UBE2L3: variants seen among roughly 807,000 people sequenced by gnomAD.
The protein encoded by UBE2L3 is ubiquitin conjugating enzyme E2 L3.
UBE2L3 carries 1 observed loss-of-function variant against 17.8 expected under a neutral mutation model. That is an observed-to-expected ratio of 0.06 (90% confidence interval 0.02 to 0.27). The LOEUF (loss-of-function observed/expected upper bound fraction) is 0.27, where lower values mean the gene tolerates loss of function less well. Among genes scored for constraint, UBE2L3 ranks in the 10% least tolerant of loss-of-function variants. The probability of loss-of-function intolerance (pLI) is 1.00; values close to 1 mark genes in which losing one functional copy is unlikely to be tolerated. For missense variants in UBE2L3, 40 were observed against 192.6 expected, an observed-to-expected ratio of 0.21 and a Z score of 4.69; for synonymous variants, 44 against 68.5, an observed-to-expected ratio of 0.64 and a Z score of 1.76.
chr22:21,556,898 A>G (rs1926249743), intron 1 of UBE2L3, among the ~76,000 whole-genome samples: 1 of 152,254 alleles, frequency 6.6e-6, no homozygotes, highest in Admixed American at 6.5e-5. Flanking sequence ...TACTAAAAAT[A>G]CAAAAATTAG....
At chr22:21,581,555 A>G (rs1248283295) in intron 1 of UBE2L3, among the ~76,000 whole-genome samples, 4 of 152,146 alleles carry the variant, frequency 2.6e-5, no homozygotes, top group Admixed American at 2.0e-4. Flanking sequence ...TAATCCCAGC[A>G]CTTTGGGAGG....
At chr22:21,558,838 G>A (rs1300203962) in intron 1 of UBE2L3, among the ~76,000 whole-genome samples, 1 of 151,996 alleles carries the variant, frequency 6.6e-6, no homozygotes, top group Non-Finnish European at 1.5e-5. Flanking sequence ...GTTCTTTGCT[G>A]TCTCCTCCAT....
intron 1 of UBE2L3, among the ~76,000 whole-genome samples, chr22:21,558,739 C>T (rs1392911447): frequency 2.0e-5 from 3 of 152,166 alleles, no homozygotes; most frequent in African/African-American, 7.2e-5. Context: ...ATCCTCCCAC[C>T]TCAGCCTCCC....
chr22:21,558,724 G>A (rs1248145568), intron 1 of UBE2L3, among the ~76,000 whole-genome samples: 5 of 150,620 alleles, frequency 3.3e-5, no homozygotes, highest in Non-Finnish European at 5.9e-5. Flanking sequence ...TCTTAATCTC[G>A]AGTGATCCTC....
intron 3 of UBE2L3, among the ~76,000 whole-genome samples, chr22:21,617,270 T>C (rs781227282): frequency 3.3e-5 from 5 of 152,050 alleles, no homozygotes; most frequent in Admixed American, 2.6e-4. Context: ...TTTTTGTTTT[T>C]TGTTTTTTGT....
intron 1 of UBE2L3, among the ~76,000 whole-genome samples, chr22:21,570,095 C>T (rs767932592): frequency 1.4e-4 from 21 of 152,168 alleles, no homozygotes; most frequent in Non-Finnish European, 2.6e-4. Flanking sequence ...GTGACCACAG[C>T]GCTTTCTTTA....
upstream of UBE2L3, among the ~76,000 whole-genome samples, chr22:21,563,898 GTCTT>G (rs986636489): frequency 1.3e-5 from 2 of 151,914 alleles, no homozygotes; most frequent in African/African-American, 4.8e-5. Context: ...AGATATGGTA[GTCTT>G]TCTATGTTGC....
chr22:21,613,109 A>G (rs1288846889), intron 3 of UBE2L3, among the ~76,000 whole-genome samples: 1 of 152,198 alleles, frequency 6.6e-6, no homozygotes, highest in East Asian at 1.9e-4. Flanking sequence ...CCTGCACCTC[A>G]GGTTCTGGCC....
At chr22:21,580,853 G>A (rs990686755) in intron 1 of UBE2L3, among the ~76,000 whole-genome samples, 4 of 151,388 alleles carry the variant, frequency 2.6e-5, no homozygotes, top group South Asian at 2.1e-4. Flanking sequence ...CCAAAGTGCC[G>A]GGATTACAGA....
At chr22:21,611,796 A>G (rs1039144326) in intron 3 of UBE2L3, among the ~76,000 whole-genome samples, 10 of 152,090 alleles carry the variant, frequency 6.6e-5, no homozygotes, top group African/African-American at 2.4e-4. Flanking sequence ...TCCTAATCTC[A>G]TATTTTGATG....
intron 1 of UBE2L3, among the ~76,000 whole-genome samples, chr22:21,585,362 A>AT (rs1927878087): frequency 6.6e-6 from 1 of 152,156 alleles, no homozygotes; most frequent in African/African-American, 2.4e-5. Flanking sequence ...TCTCTAAAAT[A>AT]TTTCATTCTG....
At chr22:21,600,648 A>G (rs576843461) in intron 2 of UBE2L3, among the ~76,000 whole-genome samples, 1 of 152,282 alleles carries the variant, frequency 6.6e-6, no homozygotes, top group South Asian at 2.1e-4. Context: ...GTGAGCCAAG[A>G]TCGCGCCACT....
At chr22:21,606,472 A>G (rs1231659941) in intron 2 of UBE2L3, among the ~76,000 whole-genome samples, 2 of 152,130 alleles carry the variant, frequency 1.3e-5, no homozygotes, top group African/African-American at 4.8e-5. Context: ...AGTGAGGGAA[A>G]GCTATTTTTA....
chr22:21,617,676 T>C (rs1171489408), intron 3 of UBE2L3, among the ~76,000 whole-genome samples: 1 of 152,196 alleles, frequency 6.6e-6, no homozygotes, highest in Non-Finnish European at 1.5e-5. Context: ...TTATAAAATA[T>C]AATTTTAATA....
intron 3 of UBE2L3, among the ~76,000 whole-genome samples, chr22:21,616,075 C>T (rs926011708): frequency 6.6e-6 from 1 of 152,142 alleles, no homozygotes; most frequent in South Asian, 2.1e-4. Flanking sequence ...TGTCTTTAAA[C>T]ACACATAAAA....
chr22:21,616,502 A>AT (rs1929781874), intron 3 of UBE2L3, among the ~76,000 whole-genome samples: 1 of 152,076 alleles, frequency 6.6e-6, no homozygotes, highest in African/African-American at 2.4e-5. Context: ...TACAAAAAAA[A>AT]TTAGCTGGGC....
chr22:21,597,775 ATTTTTTTTTTT>A lies in UBE2L3; in HGVS notation c.123+4841_123+4851del, dbSNP rs35054754. Among the ~76,000 whole-genome samples the A allele has an allele frequency of 1.2e-3, 31 of 25,598 alleles. No individual in the cohort carries two copies. The East Asian group carries it at 0.02, about 17-fold the overall frequency. The allele number at this position is 25,598 out of a possible 152,430, so 16.8% of individuals were successfully genotyped here. A position where few individuals can be genotyped will look rare whatever the true frequency, so the allele number is the denominator to read the frequency against. On this transcript the variant is annotated intron_variant, in intron 2 of 3. Coordinates refer to ENST00000342192, the MANE Select transcript of UBE2L3 (RefSeq NM_003347.4). Reference sequence around the variant, plus strand: ...GGATCTTTGATCCATTTATATGTAGATTTTTTTTTTTTTTTTTTTTTTTTTTTTTTTTGAGA... The same window carrying A: ...GGATCTTTGATCCATTTATATGTAGATTTTTTTTTTTTTTTTTTTTTGAGA...
At chr22:21,601,314 T>C (rs1225553417) in intron 2 of UBE2L3, among the ~76,000 whole-genome samples, 1 of 151,762 alleles carries the variant, frequency 6.6e-6, no homozygotes, top group Non-Finnish European at 1.5e-5. Context: ...TTTTGGGTTT[T>C]TTTGTTTTTT....
At position 21,622,789 on chromosome 22, in the gene UBE2L3, C is replaced by T. The variant is rs1163044133; in HGVS notation, c.*1120C>T. 6.5e-6 allele frequency: 1 copy of T among 152,936 alleles called. No individual in the cohort carries two copies. The highest frequency in any genetic ancestry group is 6.5e-5 in the Admixed American group (1 of 15,284). The allele number at this position is 152,936 out of a possible 1,614,324, so 9.5% of individuals were successfully genotyped here. A position where few individuals can be genotyped will look rare whatever the true frequency, so the allele number is the denominator to read the frequency against. On this transcript the variant is annotated 3_prime_UTR_variant, in exon 4 of 4. Transcript: ENST00000342192. ...CAGAGCAGCCAGCCCAGCCCGGGAA[C>T]AAGACGGACTTCCTCTCCCTTCGGA...
Sources: allele counts gnomAD v4.1 joint callset (sites outside exome capture counted in the v4.1 genomes callset), GRCh38; gene constraint gnomAD v4.1.1; transcripts MANE v1.5; gene names NCBI Gene and HGNC (gene_info 2026-07-23, HGNC 2026-07-21).